The following FMN1 variants were observed in gnomAD, a reference collection of about 807,000 sequenced individuals.
The protein encoded by FMN1 is formin 1.
In FMN1, 110 loss-of-function variants were observed where a neutral mutation model predicts 132.4. The observed-to-expected ratio is 0.83, with a 90% CI of 0.71 to 0.97. The LOEUF (loss-of-function observed/expected upper bound fraction) is 0.97. Ranked by LOEUF, FMN1 falls within the 50% of genes least tolerant of loss-of-function variation. The pLI is 0.00. For missense variants in FMN1, 1,792 were observed against 1,705.3 expected, an observed-to-expected ratio of 1.05 and a Z score of -0.90; for synonymous variants, 722 against 651.7, an observed-to-expected ratio of 1.11 and a Z score of -1.64.
In FMN1 at chr15:32,797,856, TTATG is replaced by T. The variant is rs533999721; in HGVS notation, c.4130+944_4130+947del. Reference sequence around the variant, plus strand: ...AGGTTGTGATGTGTCTAGAAATATATTATGTATATATCTTTTCTTTGATTACAAA... The same window carrying T: ...AGGTTGTGATGTGTCTAGAAATATATTATATATCTTTTCTTTGATTACAAA... On this transcript the variant is annotated intron_variant, in intron 19 of 20. Transcript: ENST00000616417. Among the ~76,000 whole-genome samples, 332 of 152,276 alleles carry T rather than the reference TTATG, an allele frequency of 2.2e-3. 2 individuals are homozygous for T. The highest frequency in any genetic ancestry group is 7.8e-3 in the African/African-American group (326 of 41,558).
chr15:32,934,936 T>G (rs2061224931), intron 9 of FMN1, among the ~76,000 whole-genome samples: 1 of 150,968 alleles, frequency 6.6e-6, no homozygotes, highest in Non-Finnish European at 1.5e-5. Flanking sequence ...TCTTTTTTTT[T>G]TTTTGAGACA....
chr15:33,085,354 A>G (rs540795152), intron 5 of FMN1, among the ~76,000 whole-genome samples: 3 of 152,276 alleles, frequency 2.0e-5, no homozygotes, highest in East Asian at 3.9e-4. Context: ...AGAGGGGAGA[A>G]GGGCTTGAGG....
At chr15:33,010,150 C>T (rs915739987) in intron 6 of FMN1, among the ~76,000 whole-genome samples, 1 of 152,092 alleles carries the variant, frequency 6.6e-6, no homozygotes, top group Non-Finnish European at 1.5e-5. Context: ...TCTCAAAGTG[C>T]CTGGCCAACA....
At chr15:33,035,710 T>A (rs1310094270) in intron 6 of FMN1, among the ~76,000 whole-genome samples, 3 of 152,200 alleles carry the variant, frequency 2.0e-5, no homozygotes, top group African/African-American at 7.2e-5. Flanking sequence ...TTCTTTTCCA[T>A]AGCATCTATC....
intron 19 of FMN1, among the ~76,000 whole-genome samples, chr15:32,795,529 G>T (rs1456039392): frequency 6.6e-6 from 1 of 151,242 alleles, no homozygotes; most frequent in Non-Finnish European, 1.5e-5. Flanking sequence ...TTTTACAGAT[G>T]TGACAATCGG....
intron 10 of FMN1, among the ~76,000 whole-genome samples, chr15:32,921,508 T>C (rs2060821396): frequency 6.6e-6 from 1 of 152,194 alleles, no homozygotes; most frequent in South Asian, 2.1e-4. Flanking sequence ...GATCACAACA[T>C]GGCCCTTCTT....
chr15:32,898,034 G>T (rs1596216888), intron 15 of FMN1, among the ~76,000 whole-genome samples: 1 of 152,232 alleles, frequency 6.6e-6, no homozygotes, highest in African/African-American at 2.4e-5. Context: ...AGTTAGATAA[G>T]CCCACCAGGA....
At chr15:33,067,376 C>G (rs1326990173) in intron 5 of FMN1, 44 of 1,613,866 alleles carry the variant, frequency 2.7e-5, no homozygotes, top group Non-Finnish European at 3.7e-5. Context: ...TAAAACACCA[C>G]TAGGGGACTT....
chr15:32,867,608 G>A (rs989085090), intron 16 of FMN1, among the ~76,000 whole-genome samples: 6 of 151,844 alleles, frequency 4.0e-5, no homozygotes, highest in South Asian at 2.1e-4. Flanking sequence ...ATGGGTTCAC[G>A]CCATTCTCCT....
At chr15:32,810,884 A>G in intron 17 of FMN1, 1 of 444,634 alleles carries the variant, frequency 2.2e-6, no homozygotes, top group Non-Finnish European at 4.5e-6. Context: ...ATAAACCAAC[A>G]GGACGCACAG....
chr15:33,115,500 C>T (rs78259955), intron 4 of FMN1, among the ~76,000 whole-genome samples: 1 of 147,792 alleles, frequency 6.8e-6, no homozygotes, highest in Non-Finnish European at 1.5e-5. Flanking sequence ...AGCCCCCCCC[C>T]CCCACACACA....
chr15:33,004,777 T>C (rs2034319720), intron 7 of FMN1, among the ~76,000 whole-genome samples: 1 of 152,150 alleles, frequency 6.6e-6, no homozygotes, highest in Non-Finnish European at 1.5e-5. Flanking sequence ...AGCAAAAACT[T>C]GGAACCAACC....
intron 17 of FMN1, among the ~76,000 whole-genome samples, chr15:32,834,833 T>C (rs551740372): frequency 1.3e-3 from 200 of 152,340 alleles, no homozygotes; most frequent in African/African-American, 4.7e-3. Flanking sequence ...TTCCCTCTGA[T>C]CACCTTGGTT....
chr15:33,052,905 C>G (rs1354440007), intron 6 of FMN1, among the ~76,000 whole-genome samples: 4 of 152,076 alleles, frequency 2.6e-5, no homozygotes, highest in Non-Finnish European at 5.9e-5. Flanking sequence ...ATTCACAAAC[C>G]AATCAGCATG....
chr15:33,028,005 G>T (rs2035760159), intron 6 of FMN1, among the ~76,000 whole-genome samples: 4 of 152,294 alleles, frequency 2.6e-5, no homozygotes, highest in Admixed American at 6.5e-5. Flanking sequence ...CAGCTCACTT[G>T]GGCAAGTCAA....
In FMN1 at chr15:32,907,853, A is replaced by C. The variant is rs901743552; in HGVS notation, c.3377+637T>G. On this transcript the variant is annotated intron_variant, in intron 12 of 20. Coordinates refer to ENST00000616417, the MANE Select transcript of FMN1 (RefSeq NM_001277313.2). ...GCTGGGCAGGGTCGTGGGGCTGCAG[A>C]GCCCCGGGAGCTTATCTATGGCTTC... 1.4e-4 allele frequency among the ~76,000 whole-genome samples: 21 copies of C among 152,106 alleles called. No homozygotes were observed. In the Middle Eastern group the frequency reaches 0.01, roughly 74 times the overall value.
chr15:33,021,928 G>C (rs1415512036), intron 6 of FMN1, among the ~76,000 whole-genome samples: 1 of 152,082 alleles, frequency 6.6e-6, no homozygotes, highest in African/African-American at 2.4e-5. Flanking sequence ...TTCTAGAAAA[G>C]GCACACACTT....
intron 4 of FMN1, among the ~76,000 whole-genome samples, chr15:33,126,596 CCAGA>C (rs1311580263): frequency 2.1e-5 from 3 of 143,812 alleles, no homozygotes; most frequent in Admixed American, 1.4e-4. Flanking sequence ...CTTCAATAGA[CCAGA>C]AAGAAGAAAG....
At chr15:33,155,179 C>T (rs1964623050) in intron 3 of FMN1, 134 bp from the exon 4 acceptor site, 2 of 367,886 alleles carry the variant, frequency 5.4e-6, no homozygotes, top group Admixed American at 8.6e-5. Context: ...AATCAGACAA[C>T]AGCCAGATTT....
Sources: gnomAD v4.1 joint callset for allele counts (sites outside exome capture counted in the v4.1 genomes callset) on GRCh38, gnomAD v4.1.1 for gene constraint, MANE v1.5 for transcripts, NCBI Gene and HGNC (gene_info 2026-07-23, HGNC 2026-07-21) for gene names.